The following PTPRD variants were observed in gnomAD, a reference collection of about 807,000 sequenced individuals.
PTPRD encodes the protein receptor-type tyrosine-protein phosphatase delta.
A neutral mutation model predicts 214.5 loss-of-function variants in PTPRD; 34 were observed. The ratio of observed to expected loss-of-function variants is 0.16; its 90% confidence interval spans 0.12 to 0.21. PTPRD has a LOEUF of 0.21. Ranked by LOEUF, PTPRD falls within the 10% of genes least tolerant of loss-of-function variation. The pLI is 1.00. For synonymous variants in PTPRD, 1,128 were observed against 845.7 expected (o/e 1.33, Z -5.79); for missense variants, 2,545 against 2,398.7 (o/e 1.06, Z -1.27).
rs569925731 is a variant in PTPRD, at chr9:10,052,725, C to T, written c.-544-18935G>A. 7.2e-5 allele frequency among the ~76,000 whole-genome samples: 11 copies of T among 152,210 alleles called. No individual in the cohort carries two copies. In the South Asian group the frequency reaches 1.0e-3, roughly 14 times the overall value. ...AAAGTCTATGCTTTTCCTCCTGAAA[C>T]ATCACAAACTTTCTTCTTTCTATCG... On this transcript the variant is annotated intron_variant, in intron 3 of 45. Coordinates refer to ENST00000381196, the MANE Select transcript of PTPRD (RefSeq NM_002839.4).
At chr9:9,466,238 G>A (rs2094144903) in intron 8 of PTPRD, among the ~76,000 whole-genome samples, 1 of 152,144 alleles carries the variant, frequency 6.6e-6, no homozygotes, top group Non-Finnish European at 1.5e-5. Flanking sequence ...GGGCCTAGGA[G>A]GTTGAGGCTG....
intron 2 of PTPRD, among the ~76,000 whole-genome samples, chr9:10,400,855 C>A (rs115329378): frequency 0.019 from 2,951 of 151,548 alleles, 86 homozygotes; most frequent in African/African-American, 0.06. Flanking sequence ...TGTTATTTAT[C>A]TATTTCTTTG....
chr9:8,675,433 C>T (rs907785596), intron 12 of PTPRD, among the ~76,000 whole-genome samples: 2 of 150,508 alleles, frequency 1.3e-5, no homozygotes, highest in Non-Finnish European at 3.0e-5. Flanking sequence ...AAAAACCCCA[C>T]TCCTCCCCCT....
intron 31 of PTPRD, among the ~76,000 whole-genome samples, chr9:8,468,684 C>T (rs1277873281): frequency 1.3e-5 from 2 of 151,310 alleles, no homozygotes; most frequent in Non-Finnish European, 2.9e-5. Flanking sequence ...GAATTATAGG[C>T]CTTTCTGAAA....
intron 12 of PTPRD, among the ~76,000 whole-genome samples, chr9:8,648,037 G>A (rs375300296): frequency 2.0e-5 from 3 of 152,172 alleles, no homozygotes; most frequent in African/African-American, 7.2e-5. Flanking sequence ...AGAACAGCAT[G>A]CAATCCCAGC....
intron 35 of PTPRD, among the ~76,000 whole-genome samples, chr9:8,408,466 T>C (rs1306991876): frequency 6.6e-6 from 1 of 152,146 alleles, no homozygotes; most frequent in Non-Finnish European, 1.5e-5. Context: ...CTTCCCAAGC[T>C]GAAATCCTGG....
chr9:8,714,626 G>A (rs1028210072), intron 12 of PTPRD, among the ~76,000 whole-genome samples: 8 of 152,080 alleles, frequency 5.3e-5, no homozygotes, highest in African/African-American at 1.7e-4. Context: ...CTGCCCTAGG[G>A]TCTTTGGACT....
chr9:8,585,651 C>T (rs2093591887), intron 14 of PTPRD, among the ~76,000 whole-genome samples: 1 of 152,214 alleles, frequency 6.6e-6, no homozygotes, highest in South Asian at 2.1e-4. Flanking sequence ...GTATCCTTTA[C>T]TTGCTCAGAT....
chr9:8,929,458 G>A (rs1052170828), intron 11 of PTPRD, among the ~76,000 whole-genome samples: 1 of 151,746 alleles, frequency 6.6e-6, no homozygotes. Flanking sequence ...ATGTGGTTTT[G>A]GTCATTGGCT....
chr9:9,922,541 C>T (rs1048684828), intron 5 of PTPRD, among the ~76,000 whole-genome samples: 1 of 151,662 alleles, frequency 6.6e-6, no homozygotes, highest in East Asian at 1.9e-4. Flanking sequence ...CCTACAGTAA[C>T]AACTAAAAAG....
chr9:10,439,747 C>T (rs924870418), intron 2 of PTPRD, among the ~76,000 whole-genome samples: 3 of 151,776 alleles, frequency 2.0e-5, no homozygotes, highest in Non-Finnish European at 2.9e-5. Context: ...ACAGCCCTCT[C>T]CCTCTCTTAC....
intron 39 of PTPRD, among the ~76,000 whole-genome samples, chr9:8,345,631 A>G (rs527959064): frequency 1.3e-5 from 2 of 152,168 alleles, no homozygotes; most frequent in Non-Finnish European, 2.9e-5. Flanking sequence ...AAATAATCCA[A>G]AACAGGTAGT....
chr9:10,082,429 T>A (rs1353629696), intron 3 of PTPRD, among the ~76,000 whole-genome samples: 2 of 151,850 alleles, frequency 1.3e-5, no homozygotes, highest in African/African-American at 4.9e-5. Flanking sequence ...GTGCACTGAT[T>A]ATGCTGTAGG....
At chr9:8,792,551 T>C (rs991388826) in intron 11 of PTPRD, among the ~76,000 whole-genome samples, 1 of 152,200 alleles carries the variant, frequency 6.6e-6, no homozygotes, top group Non-Finnish European at 1.5e-5. Context: ...ATCTAGCTTT[T>C]GGACTACTGA....
chr9:9,049,516 T>C (rs1458687762), intron 10 of PTPRD, among the ~76,000 whole-genome samples: 1 of 152,144 alleles, frequency 6.6e-6, no homozygotes, highest in Non-Finnish European at 1.5e-5. Flanking sequence ...AAAACATGAC[T>C]ATAGAGTTGA....
chr9:8,465,070 G>A (rs909089855), intron 32 of PTPRD, among the ~76,000 whole-genome samples: 1 of 151,868 alleles, frequency 6.6e-6, no homozygotes, highest in Non-Finnish European at 1.5e-5. Flanking sequence ...GCAATCACAG[G>A]GGCTAATGTC....
rs756531857 is a variant in PTPRD, at chr9:8,375,931, C to G, written c.4661+5G>C. Reference sequence around the variant, plus strand: ...CCTGACTGCAAGTGAACAAACGCTTCTTACCTGCAGTGCACAACCATCGGA... The same window carrying G: ...CCTGACTGCAAGTGAACAAACGCTTGTTACCTGCAGTGCACAACCATCGGA... On this transcript the variant is annotated splice_donor_5th_base_variant and intron_variant, in intron 39 of 45. Transcript: ENST00000381196. 1.4e-5 allele frequency: 22 copies of G among 1,609,024 alleles called. No homozygotes were observed. The East Asian group carries it at 4.9e-4, about 36-fold the overall frequency.
chr9:9,168,591 C>T (rs539432335), intron 10 of PTPRD, among the ~76,000 whole-genome samples: 17 of 151,976 alleles, frequency 1.1e-4, no homozygotes, highest in East Asian at 1.9e-4. Context: ...AAGTAAGCAG[C>T]GAAACTTATA....
intron 5 of PTPRD, among the ~76,000 whole-genome samples, chr9:9,898,014 T>A (rs139729508): frequency 6.6e-6 from 1 of 152,196 alleles, no homozygotes; most frequent in East Asian, 1.9e-4. Context: ...ACAGGTGGCT[T>A]TGGTGCACAA....
Sources: allele counts gnomAD v4.1 joint callset (sites outside exome capture counted in the v4.1 genomes callset), GRCh38; gene constraint gnomAD v4.1.1; transcripts MANE v1.5; gene names NCBI Gene and HGNC (gene_info 2026-07-23, HGNC 2026-07-21).